Variants in ROBO1 observed in about 807,000 individuals in gnomAD.
ROBO1 encodes the protein roundabout homolog 1.
Under a neutral mutation model 195.9 loss-of-function variants are expected in ROBO1, and 149 were observed. The observed-to-expected ratio is 0.76, with a 90% CI of 0.67 to 0.87. ROBO1 has a LOEUF of 0.87. ROBO1 is among the 40% of genes least tolerant of loss of function. The pLI is 0.00. For missense variants in ROBO1, 1,933 were observed against 2,068.3 expected, an observed-to-expected ratio of 0.93 and a Z score of 1.27; for synonymous variants, 816 against 733.2, an observed-to-expected ratio of 1.11 and a Z score of -1.82.
chr3:79,423,603 G>A (rs1356982299), intron 2 of ROBO1, among the ~76,000 whole-genome samples: 1 of 152,036 alleles, frequency 6.6e-6, no homozygotes, highest in Non-Finnish European at 1.5e-5. Context: ...TTGAGAATGC[G>A]TGACTCATCA....
At chr3:79,246,747 T>C (rs2082631079) in intron 2 of ROBO1, among the ~76,000 whole-genome samples, 3 of 152,064 alleles carry the variant, frequency 2.0e-5, no homozygotes, top group Admixed American at 1.3e-4. Flanking sequence ...TGTGGAGTTA[T>C]CTGATATATA....
At chr3:79,388,231 T>C (rs1292015569) in intron 2 of ROBO1, among the ~76,000 whole-genome samples, 2 of 152,284 alleles carry the variant, frequency 1.3e-5, no homozygotes, top group African/African-American at 2.4e-5. Flanking sequence ...GAGGTAAACT[T>C]AGAATGTAAG....
chr3:79,314,885 A>G (rs536784979), intron 2 of ROBO1, among the ~76,000 whole-genome samples: 2 of 152,350 alleles, frequency 1.3e-5, no homozygotes, highest in South Asian at 4.1e-4. Flanking sequence ...CTTCTATTCT[A>G]ATAGCTGTTA....
chr3:79,272,920 T>G (rs956958139), intron 2 of ROBO1, among the ~76,000 whole-genome samples: 2 of 152,052 alleles, frequency 1.3e-5, no homozygotes, highest in African/African-American at 4.8e-5. Flanking sequence ...GATTTATCAA[T>G]GGAAATCTCA....
Position 78,904,111 on chromosome 3 carries a change from G to A in ROBO1, c.499+34490C>T, listed in dbSNP as rs1322742959. On this transcript the variant is annotated intron_variant, in intron 4 of 30. Coordinates refer to ENST00000464233, the MANE Select transcript of ROBO1 (RefSeq NM_002941.4). Reference sequence around the variant, plus strand: ...TTAGATAACTATGACTATTATTAGTGTATGTATATATACAACATATATATA... The same window carrying A: ...TTAGATAACTATGACTATTATTAGTATATGTATATATACAACATATATATA... Among the ~76,000 whole-genome samples, 6 of 151,416 alleles carry A rather than the reference G, an allele frequency of 4.0e-5. No individual in the cohort carries two copies. In the East Asian group the frequency reaches 1.2e-3, roughly 29 times the overall value.
At chr3:79,091,946 C>CATTG (rs2079486735) in intron 3 of ROBO1, among the ~76,000 whole-genome samples, 2 of 152,010 alleles carry the variant, frequency 1.3e-5, no homozygotes, top group African/African-American at 4.8e-5. Flanking sequence ...ACTGAGAAGG[C>CATTG]ATTGGAGAGT....
intron 26 of ROBO1, among the ~76,000 whole-genome samples, chr3:78,625,787 A>G (rs1704724951): frequency 6.6e-6 from 1 of 152,182 alleles, no homozygotes; most frequent in African/African-American, 2.4e-5. Context: ...CAATGGACTG[A>G]TCAAAGCAAA....
intron 3 of ROBO1, among the ~76,000 whole-genome samples, chr3:79,078,650 C>G (rs1394101160): frequency 6.6e-6 from 1 of 151,756 alleles, no homozygotes; most frequent in African/African-American, 2.4e-5. Context: ...AGTGAAAATA[C>G]TGTGGTAAAA....
chr3:79,394,267 C>T (rs546408230), intron 2 of ROBO1, among the ~76,000 whole-genome samples: 16 of 152,220 alleles, frequency 1.1e-4, no homozygotes, highest in Admixed American at 1.0e-3. Context: ...TTTGATCTGA[C>T]ATATTCACTT....
chr3:79,733,041 C>T (rs190904909), intron 1 of ROBO1, among the ~76,000 whole-genome samples: 115 of 152,304 alleles, frequency 7.6e-4, no homozygotes, highest in Admixed American at 2.3e-3. Context: ...CCAAAGATTT[C>T]CTATTCTATG....
intron 2 of ROBO1, among the ~76,000 whole-genome samples, chr3:79,193,355 T>G (rs12636466): frequency 0.24 from 35,980 of 151,400 alleles, 4,737 homozygotes; most frequent in South Asian, 0.32. Flanking sequence ...TTACATATAT[T>G]ATCTTATTTA....
At chr3:78,662,632 A>G (rs1258794167) in intron 14 of ROBO1, among the ~76,000 whole-genome samples, 1 of 152,198 alleles carries the variant, frequency 6.6e-6, no homozygotes, top group African/African-American at 2.4e-5. Context: ...ATATTTTCTC[A>G]TGGAAGGTAT....
intron 4 of ROBO1, among the ~76,000 whole-genome samples, chr3:78,858,609 G>A (rs2034599801): frequency 6.6e-6 from 1 of 150,888 alleles, no homozygotes; most frequent in Admixed American, 6.6e-5. Context: ...AATTATCTGG[G>A]CATGGTAGCG....
At position 78,617,691 on chromosome 3, in the gene ROBO1, G is replaced by A; in HGVS notation, c.4226C>T (p.Ala1409Val). ...TDADFAQAVAAAAEYAGLKVA... is the reference protein window; with the variant it reads ...TDADFAQAVAVAAEYAGLKVA... The stretch of plus-strand genomic sequence containing the variant: ...TTTCAGACCAGCATACTCTGCCGCT[G>A]CTGCGACTGCCTGGGCAAAGTCAGC... The change falls in exon 27 of 31, where the codon GCA becomes GTA. Residue 1409 changes from alanine to valine, a missense_variant. Transcript: ENST00000464233. The A allele has an allele frequency of 6.2e-7, 1 of 1,613,950 alleles. No homozygotes were observed. The highest frequency in any genetic ancestry group is 2.2e-5 in the East Asian group (1 of 44,856).
intron 3 of ROBO1, among the ~76,000 whole-genome samples, chr3:78,990,366 G>A (rs1249816575): frequency 2.0e-5 from 3 of 152,074 alleles, no homozygotes; most frequent in South Asian, 2.1e-4. Flanking sequence ...TTTGCCACCC[G>A]CTACGAGCAT....
intron 4 of ROBO1, among the ~76,000 whole-genome samples, chr3:78,783,881 T>G (rs2083753812): frequency 6.6e-6 from 1 of 152,180 alleles, no homozygotes; most frequent in Admixed American, 6.5e-5. Flanking sequence ...AGGAACAGGA[T>G]GTTATTATGA....
intron 1 of ROBO1, among the ~76,000 whole-genome samples, chr3:79,663,555 T>C (rs1946391389): frequency 6.6e-6 from 1 of 152,070 alleles, no homozygotes; most frequent in African/African-American, 2.4e-5. Context: ...TCTCACTAGG[T>C]TGCCCAGGCT....
At chr3:79,007,419 A>C (rs1265388489) in intron 3 of ROBO1, among the ~76,000 whole-genome samples, 1 of 152,210 alleles carries the variant, frequency 6.6e-6, no homozygotes, top group Admixed American at 6.5e-5. Context: ...ACAGAGAGAC[A>C]GTGATATTCC....
chr3:78,977,601 A>G (rs1203465372), intron 3 of ROBO1, among the ~76,000 whole-genome samples: 1 of 150,540 alleles, frequency 6.6e-6, no homozygotes, highest in Non-Finnish European at 1.5e-5. Flanking sequence ...ATATATATAT[A>G]ATATATATTT....
Sources: allele counts gnomAD v4.1 joint callset (sites outside exome capture counted in the v4.1 genomes callset), GRCh38; gene constraint gnomAD v4.1.1; transcripts MANE v1.5; gene names NCBI Gene and HGNC (gene_info 2026-07-23, HGNC 2026-07-21).